TRIP12: variants seen among roughly 807,000 people sequenced by gnomAD.
TRIP12 encodes the protein E3 ubiquitin-protein ligase TRIP12.
Under a neutral mutation model 244.2 loss-of-function variants are expected in TRIP12, and 25 were observed. The observed-to-expected ratio is 0.10, with a 90% confidence interval of 0.07 to 0.14. TRIP12 has a LOEUF of 0.14. Among genes scored for constraint, TRIP12 ranks in the 10% least tolerant of loss-of-function variants. The probability of loss-of-function intolerance (pLI) is 1.00; values close to 1 mark genes in which losing one functional copy is unlikely to be tolerated. For synonymous variants in TRIP12, 905 were observed against 873.1 expected (o/e 1.04, Z -0.64); for missense variants, 1,677 against 2,486.4 (o/e 0.67, Z 6.92).
At chr2:229,810,702 T>C (rs1199201658) in intron 15 of TRIP12, among the ~76,000 whole-genome samples, 178 bp downstream of exon 15, 1 of 152,234 alleles carries the variant, frequency 6.6e-6, no homozygotes, top group African/African-American at 2.4e-5. Context: ...AAAAGGAGTA[T>C]GTTAGAAACA....
chr2:229,915,181 G>A (rs1203066534), intron 1 of TRIP12, among the ~76,000 whole-genome samples: 1 of 152,076 alleles, frequency 6.6e-6, no homozygotes, highest in Non-Finnish European at 1.5e-5. Context: ...GAACCCGGGA[G>A]GCAGAGGTTA....
chr2:229,841,545 C>A (rs2056425531), intron 4 of TRIP12, among the ~76,000 whole-genome samples: 1 of 152,124 alleles, frequency 6.6e-6, no homozygotes, highest in African/African-American at 2.4e-5. Flanking sequence ...AATGGTGTAT[C>A]AATTAAGTAA....
intron 19 of TRIP12, 117 bp from the exon 20 acceptor site, chr2:229,803,806 A>G: frequency 1.1e-6 from 1 of 910,778 alleles, no homozygotes; most frequent in Non-Finnish European, 1.7e-6. Flanking sequence ...CTATTAACAT[A>G]AACATTTTTC....
chr2:229,922,195 C>T (rs1007202312), upstream of TRIP12: 3 of 248,856 alleles, frequency 1.2e-5, no homozygotes, highest in African/African-American at 6.7e-5. Flanking sequence ...TCTCAGCAGC[C>T]TCCGATCTCC....
Position 229,804,021 on chromosome 2 carries a change from G to C in TRIP12, c.2857C>G (p.Leu953Val). The change falls in exon 19 of 42, where the codon CTG (leucine) becomes GTG (valine). Residue 953 changes from leucine (L) to valine (V), a missense_variant. Around this residue, in one of 11 missense-constraint regions of TRIP12, gnomAD observed 572 missense variants for 867.8 expected, o/e 0.66. Coordinates refer to ENST00000675903, the MANE Select transcript of TRIP12 (RefSeq NM_001348323.3). ...FADAELLKDV[L>V]KNHAVSSHIA... is the part of the protein sequence containing the mutation. The stretch of plus-strand genomic sequence containing the variant: ...CACCTTGAAACAGCATGATTTTTCA[G>C]AACATCCTTCAGAAGTTCAGCATCC... The C allele has an allele frequency of 6.2e-7, 1 of 1,612,978 alleles. No individual in the cohort carries two copies. Among genetic ancestry groups the C allele is most frequent in the Non-Finnish European group, 8.5e-7 (1 of 1,179,648 alleles).
intron 8 of TRIP12, among the ~76,000 whole-genome samples, chr2:229,822,595 T>C (rs2050364186): frequency 6.6e-6 from 1 of 152,110 alleles, no homozygotes; most frequent in Non-Finnish European, 1.5e-5. Flanking sequence ...TTATTTTTGG[T>C]AGAGAAAAAA....
intron 1 of TRIP12, among the ~76,000 whole-genome samples, chr2:229,891,249 CCTCT>C (rs1285520604): frequency 2.0e-5 from 3 of 151,822 alleles, no homozygotes; most frequent in Non-Finnish European, 2.9e-5. Flanking sequence ...GGTGAAACCC[CCTCT>C]CTACCAAAAA....
chr2:229,790,017 C>T (rs2041042765), intron 30 of TRIP12, among the ~76,000 whole-genome samples: 1 of 152,196 alleles, frequency 6.6e-6, no homozygotes, highest in Non-Finnish European at 1.5e-5. Flanking sequence ...GACTCCTCCA[C>T]ATTTCTCCTT....
intron 2 of TRIP12, among the ~76,000 whole-genome samples, chr2:229,875,901 C>T (rs1000638191): frequency 2.6e-5 from 4 of 152,128 alleles, no homozygotes; most frequent in Admixed American, 6.6e-5. Flanking sequence ...AATCCCAATC[C>T]TCTCACTCCC....
At chr2:229,830,718 T>C (rs1327113326) in intron 7 of TRIP12, 38 bp downstream of exon 7, 2 of 1,551,650 alleles carry the variant, frequency 1.3e-6, no homozygotes, top group Non-Finnish European at 1.8e-6. Context: ...AGGTAGCTCA[T>C]GGTAATGGTT....
Position 229,831,865 on chromosome 2 carries a change from G to GTT in TRIP12, c.1271-1028_1271-1027dup, listed in dbSNP as rs71941458. ...CTCTATGTGTCTGCTGAGGTCAAAG[G>GTT]TTTTTTTTGTTTGTTTTTTGGGTTT... On this transcript the variant is annotated intron_variant, in intron 6 of 41. Transcript: ENST00000675903. Among the ~76,000 whole-genome samples, 696 of 128,964 alleles carry GTT rather than the reference G, an allele frequency of 5.4e-3. 4 individuals are homozygous for GTT. Among genetic ancestry groups the GTT allele is most frequent in the African/African-American group, 0.02 (619 of 31,656 alleles). The allele number at this position is 128,964 out of a possible 152,430, so 84.6% of individuals were successfully genotyped here.
chr2:229,854,846 A>C (rs1186537816), intron 4 of TRIP12, among the ~76,000 whole-genome samples: 1 of 152,200 alleles, frequency 6.6e-6, no homozygotes. Context: ...CTCAAGGCCA[A>C]TTTCTGAGAT....
At chr2:229,798,735 A>G in intron 23 of TRIP12, 140 bp downstream of exon 23, 3 of 943,372 alleles carry the variant, frequency 3.2e-6, no homozygotes, top group Non-Finnish European at 3.1e-6. Context: ...AAACTACCTA[A>G]TTCTTGAACT....
At chr2:229,845,741 C>T (rs1279149348) in intron 4 of TRIP12, among the ~76,000 whole-genome samples, 2 of 152,018 alleles carry the variant, frequency 1.3e-5, no homozygotes, top group African/African-American at 4.8e-5. Flanking sequence ...AACACAAACG[C>T]CTGGCCAGGT....
rs771766224 is a variant in TRIP12, at chr2:229,767,647, A to G, written c.6111T>C (p.Tyr2037=). 1 of 1,614,190 alleles carries G rather than the reference A, an allele frequency of 6.2e-7. No homozygotes were observed. The change falls in exon 42 of 42, where the codon TAT becomes TAC. Residue 2037 remains tyrosine, a synonymous_variant. Coordinates refer to ENST00000675903, the MANE Select transcript of TRIP12 (RefSeq NM_001348323.3). ...FLPSVMTCVN[Y]LKLPDYSSIE... ...TGCTTGAATAGTCCGGCAACTTAAG[A>G]TAGTTCACACAAGTCATTACAGAGG...
chr2:229,922,390 C>T (rs932097362), upstream of TRIP12: 88 of 910,784 alleles, frequency 9.7e-5, no homozygotes, highest in Admixed American at 1.4e-4. Flanking sequence ...ACGATCGCCC[C>T]AAGTTAGAAA....
At chr2:229,788,634 C>G (rs1200101534) in intron 32 of TRIP12, among the ~76,000 whole-genome samples, 164 bp downstream of exon 32, 3 of 152,204 alleles carry the variant, frequency 2.0e-5, no homozygotes, top group Non-Finnish European at 4.4e-5. Context: ...CCAAACTTGC[C>G]TAGTCTGTTT....
chr2:229,834,449 A>T (rs1207674829), intron 6 of TRIP12, among the ~76,000 whole-genome samples: 1 of 152,206 alleles, frequency 6.6e-6, no homozygotes, highest in Non-Finnish European at 1.5e-5. Context: ...TACAGTTCTG[A>T]TTATGTCCAA....
chr2:229,826,884 T>C (rs1417333639), intron 8 of TRIP12, among the ~76,000 whole-genome samples: 4 of 151,972 alleles, frequency 2.6e-5, no homozygotes, highest in African/African-American at 9.7e-5. Flanking sequence ...TCTGGGTGAG[T>C]GAGTGAATGG....
Sources: gnomAD v4.1 joint callset for allele counts (sites outside exome capture counted in the v4.1 genomes callset) on GRCh38, gnomAD v4.1.1 for gene constraint, gnomAD v4.1.1 regional missense constraint, MANE v1.5 for transcripts, NCBI Gene and HGNC (gene_info 2026-07-23, HGNC 2026-07-21) for gene names.